Variants in SLC22A3 observed in about 807,000 individuals in gnomAD.
The protein encoded by SLC22A3 is EMT organic cation transporter 3.
SLC22A3 carries 51 observed loss-of-function variants against 59.1 expected under a neutral mutation model. The observed-to-expected ratio is 0.86, with a 90% CI of 0.69 to 1.09. The LOEUF (loss-of-function observed/expected upper bound fraction) is 1.09, where lower values mean the gene tolerates loss of function less well. Among genes scored for constraint, SLC22A3 ranks in the 50% least tolerant of loss-of-function variants. The pLI is 0.00. For missense variants in SLC22A3, 711 were observed against 726.3 expected (o/e 0.98, Z 0.24); for synonymous variants, 325 against 292.0 (o/e 1.11, Z -1.15).
chr6:160,407,010 G>A, intron 2 of SLC22A3, 31 bp from the exon 3 acceptor site: 1 of 1,612,160 alleles, frequency 6.2e-7, no homozygotes, highest in East Asian at 2.2e-5. Flanking sequence ...AAATGTTTAA[G>A]GTGAGCTCTT....
chr6:160,351,485 AC>A (rs1300017883), intron 1 of SLC22A3, among the ~76,000 whole-genome samples: 2 of 151,222 alleles, frequency 1.3e-5, no homozygotes, highest in African/African-American at 4.9e-5. Context: ...TAAGAGGAAA[AC>A]CCCCATCTAT....
At chr6:160,428,825 T>A (rs1267009048) in intron 5 of SLC22A3, among the ~76,000 whole-genome samples, 1 of 152,232 alleles carries the variant, frequency 6.6e-6, no homozygotes, top group African/African-American at 2.4e-5. Context: ...AAATATTTTA[T>A]CTACTCTTGT....
chr6:160,410,974 G>A (rs1051343203), intron 5 of SLC22A3, 128 bp downstream of exon 5: 1 of 517,736 alleles, frequency 1.9e-6, no homozygotes, highest in Non-Finnish European at 3.5e-6. Flanking sequence ...ATATATGTAT[G>A]TATGTATATA....
intron 7 of SLC22A3, among the ~76,000 whole-genome samples, chr6:160,441,062 G>A (rs1160283137): frequency 1.3e-5 from 2 of 152,036 alleles, no homozygotes; most frequent in Non-Finnish European, 1.5e-5. Flanking sequence ...TTGTCGGTGG[G>A]ACTCAATTTT....
chr6:160,446,330 G>A (rs1335164422), intron 9 of SLC22A3, among the ~76,000 whole-genome samples: 1 of 152,178 alleles, frequency 6.6e-6, no homozygotes, highest in African/African-American at 2.4e-5. Context: ...AGGGCCAACT[G>A]CTACCATATT....
At chr6:160,448,005 T>TA (rs1375518197) in intron 10 of SLC22A3, among the ~76,000 whole-genome samples, 187 bp downstream of exon 10, 1 of 152,120 alleles carries the variant, frequency 6.6e-6, no homozygotes, top group East Asian at 1.9e-4. Flanking sequence ...CAGAGCTAGA[T>TA]AAGAGTATGC....
At chr6:160,366,026 A>T (rs1436987980) in intron 1 of SLC22A3, among the ~76,000 whole-genome samples, 1 of 152,198 alleles carries the variant, frequency 6.6e-6, no homozygotes, top group East Asian at 1.9e-4. Context: ...CCCCCATGAC[A>T]CATGGGGATT....
intron 9 of SLC22A3, 82 bp downstream of exon 9, chr6:160,443,824 A>G (rs911057469): frequency 9.7e-6 from 6 of 616,236 alleles, no homozygotes; most frequent in Non-Finnish European, 1.6e-5. Context: ...GTTAGGTTCA[A>G]TAATGATAAT....
At chr6:160,425,366 T>C (rs1787911072) in intron 5 of SLC22A3, among the ~76,000 whole-genome samples, 1 of 152,192 alleles carries the variant, frequency 6.6e-6, no homozygotes, top group Non-Finnish European at 1.5e-5. Flanking sequence ...CATTTGTTCC[T>C]CCATTTATTC....
intron 1 of SLC22A3, among the ~76,000 whole-genome samples, chr6:160,366,753 C>T (rs148660261): frequency 6.6e-6 from 1 of 152,280 alleles, no homozygotes; most frequent in East Asian, 1.9e-4. Context: ...TTCTTGTCCT[C>T]TGCCAACCCC....
intron 5 of SLC22A3, among the ~76,000 whole-genome samples, chr6:160,428,348 T>C (rs1386407427): frequency 6.6e-6 from 1 of 152,160 alleles, no homozygotes; most frequent in African/African-American, 2.4e-5. Flanking sequence ...ATCTTCTCCA[T>C]GCAGTGTCTC....
rs1438232937 is a variant in SLC22A3, at chr6:160,437,075, C to T, written c.1152C>T (p.Phe384=). Residue 384 remains phenylalanine (F), a synonymous_variant, in exon 7 of 11, where the codon TTC becomes TTT. Transcript: ENST00000275300. ...GGGGCAACCTCTATATAGACTTTTT[C>T]ATCTCGGGCGTGGTGGAACTGCCAG... The part of the protein sequence containing the change: ...IIGGNLYIDF[F]ISGVVELPGA... The T allele has an allele frequency of 1.2e-6, 2 of 1,614,180 alleles. No individual in the cohort carries two copies. Among genetic ancestry groups the T allele is most frequent in the Non-Finnish European group, 1.7e-6 (2 of 1,180,018 alleles).
At chr6:160,388,260 TAGA>T (rs1786102366) in intron 1 of SLC22A3, among the ~76,000 whole-genome samples, 1 of 152,176 alleles carries the variant, frequency 6.6e-6, no homozygotes, top group Non-Finnish European at 1.5e-5. Context: ...TTTGGCTTCC[TAGA>T]AGGTGACCAG....
At chr6:160,375,817 T>C (rs2114783545) in intron 1 of SLC22A3, among the ~76,000 whole-genome samples, 1 of 152,314 alleles carries the variant, frequency 6.6e-6, no homozygotes, top group South Asian at 2.1e-4. Context: ...CATTTCTTTG[T>C]TCATGGCTGT....
At chr6:160,420,280 GT>G (rs1787674215) in intron 5 of SLC22A3, among the ~76,000 whole-genome samples, 1 of 152,204 alleles carries the variant, frequency 6.6e-6, no homozygotes, top group Admixed American at 6.5e-5. Context: ...AGGCAGACTT[GT>G]GGGATGCCTC....
intron 1 of SLC22A3, among the ~76,000 whole-genome samples, chr6:160,387,553 T>C (rs983217867): frequency 6.6e-6 from 1 of 152,224 alleles, no homozygotes; most frequent in Non-Finnish European, 1.5e-5. Flanking sequence ...TTGGAATGTC[T>C]GCATTCAGAA....
At chr6:160,431,804 A>AAG (rs1336583037) in intron 5 of SLC22A3, among the ~76,000 whole-genome samples, 1 of 152,228 alleles carries the variant, frequency 6.6e-6, no homozygotes, top group Non-Finnish European at 1.5e-5. Flanking sequence ...TTCTTCAGAT[A>AAG]ATTCTGCTTT....
rs376494389 is a variant in SLC22A3, at chr6:160,349,712, C to T, written c.429+864C>T. On this transcript the variant is annotated intron_variant, in intron 1 of 10. Transcript: ENST00000275300. ...TGGAAGATTGCCTCTCTGTGAGGTC[C>T]AGATATAGAGCAGAGTCACTTTGTA... Among the ~76,000 whole-genome samples the T allele has an allele frequency of 3.0e-4, 45 of 152,270 alleles. No homozygotes were observed. The East Asian group carries it at 7.3e-3, about 25-fold the overall frequency.
At chr6:160,348,996 C>A (rs1583432142) in intron 1 of SLC22A3, 148 bp downstream of exon 1, 1 of 1,500,148 alleles carries the variant, frequency 6.7e-7, no homozygotes, top group South Asian at 1.3e-5. Flanking sequence ...CAGGATTCAG[C>A]GCACCCTTGG....
Sources: allele counts gnomAD v4.1 joint callset (sites outside exome capture counted in the v4.1 genomes callset), GRCh38; gene constraint gnomAD v4.1.1; transcripts MANE v1.5; gene names NCBI Gene and HGNC (gene_info 2026-07-23, HGNC 2026-07-21).